Variants in SLC5A4 observed in about 807,000 individuals in gnomAD.
The protein encoded by SLC5A4 is probable glucose sensor protein SLC5A4.
In SLC5A4, 55 loss-of-function variants were observed where a neutral mutation model predicts 70.3. That is an observed-to-expected ratio of 0.78 (90% CI 0.63 to 0.98). The LOEUF is 0.98. SLC5A4 is among the 50% of genes least tolerant of loss of function. The probability of loss-of-function intolerance (pLI) is 0.00; values close to 1 mark genes in which losing one functional copy is unlikely to be tolerated. For synonymous variants in SLC5A4, 268 were observed against 305.7 expected, an observed-to-expected ratio of 0.88 and a Z score of 1.29; for missense variants, 735 against 839.2, an observed-to-expected ratio of 0.88 and a Z score of 1.53.
At chr22:32,309,639 C>G in the SLC5A4 span, among the ~76,000 whole-genome samples, 1 of 152,052 alleles carries the variant, frequency 6.6e-6, no homozygotes, top group South Asian at 2.1e-4. Context: ...CCCTTGACAC[C>G]ACTGGGGGAT....
chr22:32,353,951 A>C, the SLC5A4 span, among the ~76,000 whole-genome samples: 1 of 146,820 alleles, frequency 6.8e-6, no homozygotes, highest in Admixed American at 6.7e-5. Flanking sequence ...ACCCAGGGAG[A>C]CGCCCCAACT....
chr22:32,344,056 C>T, the SLC5A4 span, among the ~76,000 whole-genome samples: 4 of 152,038 alleles, frequency 2.6e-5, no homozygotes, highest in Admixed American at 6.6e-5. Context: ...TATCTGTAAG[C>T]GCTATGGCAG....
At chr22:32,306,026 T>C in the SLC5A4 span, among the ~76,000 whole-genome samples, 3 of 152,156 alleles carry the variant, frequency 2.0e-5, no homozygotes, top group South Asian at 2.1e-4. Context: ...CCCCAGTCCC[T>C]GGTCCTCCAT....
the SLC5A4 span, among the ~76,000 whole-genome samples, chr22:32,313,234 C>T: frequency 2.0e-5 from 3 of 152,190 alleles, no homozygotes; most frequent in Admixed American, 6.5e-5. Flanking sequence ...CAACAGTGTG[C>T]ATTGACCTCA....
At chr22:32,259,010 C>T (rs1927621347), upstream of SLC5A4, among the ~76,000 whole-genome samples, 1 of 152,180 alleles carries the variant, frequency 6.6e-6, no homozygotes, top group Non-Finnish European at 1.5e-5. Flanking sequence ...ATATGAGGTA[C>T]CCCAAATGGT....
chr22:32,300,315 C>G, the SLC5A4 span, among the ~76,000 whole-genome samples: 31 of 150,424 alleles, frequency 2.1e-4, no homozygotes, highest in Admixed American at 4.6e-4. Flanking sequence ...AGGGAGACTC[C>G]GTGGGCGTAG....
chr22:32,228,458 C>G (rs1364251770), intron 11 of SLC5A4, among the ~76,000 whole-genome samples: 8 of 151,872 alleles, frequency 5.3e-5, no homozygotes, highest in Non-Finnish European at 1.2e-4. Flanking sequence ...AGGAGAATCG[C>G]TTGAACCCGG....
Position 32,232,938 on chromosome 22 carries a change from T to C in SLC5A4, c.982A>G (p.Met328Val), listed in dbSNP as rs910210288. 1.9e-6 allele frequency: 3 copies of C among 1,614,162 alleles called. No individual in the cohort carries two copies. The highest frequency in any genetic ancestry group is 2.5e-6 in the Non-Finnish European group (3 of 1,180,024). Residue 328 changes from methionine (M) to valine (V), a missense_variant, in exon 9 of 15, where the codon ATG becomes GTG. Physicochemically the swap from Met to Val is conservative, Grantham distance 21. Coordinates refer to ENST00000266086, the MANE Select transcript of SLC5A4 (RefSeq NM_014227.3). The part of the protein sequence containing the change: ...AYLKLLPMFL[M>V]VMPGMISRIL... ...CGGCTGATCATCCCCGGCATCACCA[T>C]GAGGAACATGGGCAGCAGCTTCAGG...
At chr22:32,258,988 G>A (rs5998351), upstream of SLC5A4, among the ~76,000 whole-genome samples, 14,672 of 152,222 alleles carry the variant, frequency 0.096, 1,047 homozygotes, top group African/African-American at 0.21. Flanking sequence ...CAAATATTGC[G>A]TAATTCCACT....
the SLC5A4 span, among the ~76,000 whole-genome samples, chr22:32,320,889 G>A: frequency 7.3e-5 from 11 of 151,148 alleles, no homozygotes; most frequent in Admixed American, 2.0e-4. Flanking sequence ...TGGACGATCC[G>A]GCAACCTCTC....
At chr22:32,226,409 G>A (rs1925401560) in intron 11 of SLC5A4, among the ~76,000 whole-genome samples, 2 of 152,218 alleles carry the variant, frequency 1.3e-5, no homozygotes, top group South Asian at 2.1e-4. Flanking sequence ...CATTGTCTGT[G>A]CTTGTTCTGT....
the SLC5A4 span, among the ~76,000 whole-genome samples, chr22:32,300,097 G>C: frequency 0.024 from 3,691 of 151,258 alleles, 136 homozygotes; most frequent in African/African-American, 0.084. Context: ...AGAGGTTACT[G>C]CTGTCTTTTT....
At chr22:32,312,673 G>A in the SLC5A4 span, among the ~76,000 whole-genome samples, 6 of 151,870 alleles carry the variant, frequency 4.0e-5, no homozygotes, top group African/African-American at 7.3e-5. Context: ...TTAGAAGTCC[G>A]CAGAAGGGGG....
chr22:32,268,118 C>T, the SLC5A4 span, among the ~76,000 whole-genome samples: 131 of 152,260 alleles, frequency 8.6e-4, 1 homozygote, highest in African/African-American at 3.1e-3. Context: ...ATATCAGAAG[C>T]TCAAGGCCCT....
chr22:32,271,125 A>T, the SLC5A4 span: 1 of 634,406 alleles, frequency 1.6e-6, no homozygotes, highest in Admixed American at 2.2e-5. Flanking sequence ...GGGACTCTGT[A>T]CCCTTCCAGA....
At chr22:32,309,389 T>C in the SLC5A4 span, among the ~76,000 whole-genome samples, 15 of 152,136 alleles carry the variant, frequency 9.9e-5, no homozygotes, top group Non-Finnish European at 1.6e-4. Context: ...ATTATTATTA[T>C]TACAAATTAC....
At chr22:32,239,119 G>C in intron 5 of SLC5A4, 29 bp from the exon 6 acceptor site, 1 of 1,557,318 alleles carries the variant, frequency 6.4e-7, no homozygotes, top group South Asian at 1.1e-5. Context: ...GGATGAGAAA[G>C]AAACATGCAT....
the SLC5A4 span, chr22:32,271,154 G>A: frequency 1.5e-6 from 1 of 673,922 alleles, no homozygotes; most frequent in East Asian, 3.2e-5. Flanking sequence ...ATCCACTGGT[G>A]CCTGCTGTTG....
At chr22:32,321,286 C>CTAAA in the SLC5A4 span, among the ~76,000 whole-genome samples, 80,540 of 150,842 alleles carry the variant, frequency 0.53, 21,814 homozygotes, top group East Asian at 0.71. Flanking sequence ...AACTCCGTCT[C>CTAAA]TAAATAAATA....
Sources: allele counts gnomAD v4.1 joint callset (sites outside exome capture counted in the v4.1 genomes callset), GRCh38; gene constraint gnomAD v4.1.1; transcripts MANE v1.5; gene names NCBI Gene and HGNC (gene_info 2026-07-23, HGNC 2026-07-21).